Variants in JMY observed in about 807,000 individuals in gnomAD.
JMY encodes junction mediating and regulatory protein, p53 cofactor, also known as junction-mediating and -regulatory protein.
JMY carries 46 observed loss-of-function variants against 103.3 expected under a neutral mutation model. The observed-to-expected ratio is 0.45, with a 90% CI of 0.35 to 0.57. The LOEUF (loss-of-function observed/expected upper bound fraction) is 0.57. Ranked by LOEUF, JMY falls within the 20% of genes least tolerant of loss-of-function variation. The pLI is 0.00. For missense variants in JMY, 1,238 were observed against 1,255.2 expected (o/e 0.99, Z 0.21); for synonymous variants, 526 against 489.3 (o/e 1.07, Z -0.99).
chr5:79,261,957 G>A (rs1745437238), intron 1 of JMY, among the ~76,000 whole-genome samples: 1 of 152,176 alleles, frequency 6.6e-6, no homozygotes. Flanking sequence ...AATCAATAGA[G>A]CAAAATCATT....
At chr5:79,319,825 C>G (rs1212593749) in intron 10 of JMY, among the ~76,000 whole-genome samples, 3 of 152,154 alleles carry the variant, frequency 2.0e-5, no homozygotes, top group Admixed American at 2.0e-4. Flanking sequence ...GGTGATCCAC[C>G]TGCTTCTGCC....
intron 10 of JMY, among the ~76,000 whole-genome samples, chr5:79,319,040 A>T (rs1747352913): frequency 6.6e-6 from 1 of 152,200 alleles, no homozygotes. Context: ...CTTTCATTAC[A>T]GATGGTCCAC....
chr5:79,244,730 C>T (rs191321346), intron 1 of JMY, among the ~76,000 whole-genome samples: 18 of 151,782 alleles, frequency 1.2e-4, no homozygotes, highest in Admixed American at 7.2e-4. Flanking sequence ...GACCTGCTTC[C>T]TCTGAATCTG....
intron 1 of JMY, among the ~76,000 whole-genome samples, chr5:79,244,354 G>A (rs548000104): frequency 6.6e-6 from 1 of 152,252 alleles, no homozygotes; most frequent in South Asian, 2.1e-4. Context: ...CTAAAATGAG[G>A]TTAACTTAGA....
intron 1 of JMY, among the ~76,000 whole-genome samples, chr5:79,272,243 G>T (rs983625921): frequency 6.6e-6 from 1 of 151,410 alleles, no homozygotes; most frequent in African/African-American, 2.4e-5. Flanking sequence ...CAACTTATTT[G>T]TGTCTTTGTT....
chr5:79,275,812 A>G (rs1360050665), intron 1 of JMY, among the ~76,000 whole-genome samples: 2 of 152,232 alleles, frequency 1.3e-5, no homozygotes, highest in Non-Finnish European at 2.9e-5. Flanking sequence ...TTATAAAAGC[A>G]CTTTAATGTA....
chr5:79,300,364 A>T, intron 5 of JMY, 46 bp downstream of exon 5: 1 of 1,451,418 alleles, frequency 6.9e-7, no homozygotes, highest in Non-Finnish European at 9.2e-7. Flanking sequence ...GATTGAATAC[A>T]TGAGAAAATA....
chr5:79,244,006 CTT>C (rs1186953156), intron 1 of JMY, among the ~76,000 whole-genome samples: 32 of 141,218 alleles, frequency 2.3e-4, no homozygotes, highest in Admixed American at 2.9e-4. Flanking sequence ...TCTTTTTTTC[CTT>C]TTTTTTTTTT....
Position 79,290,270 on chromosome 5 carries a change from AGGTAGG to A in JMY, c.1357_1357+5del. ...TTGAAATAACAGCTAAAGCTCAAAA[AGGTAGG>A]TTTCTCAGTAAATTTATCCTTTAGG... On this transcript the variant is annotated splice_donor_variant and splice_donor_5th_base_variant and coding_sequence_variant and intron_variant, in exon 3 of 11. Transcript: ENST00000396137. LOFTEE classifies it high-confidence loss of function. 6.8e-7 allele frequency: 1 copy of A among 1,473,186 alleles called. No individual in the cohort carries two copies. The highest frequency in any genetic ancestry group is 2.5e-5 in the East Asian group (1 of 40,634). The allele number at this position is 1,473,186 out of a possible 1,614,324, so 91.3% of individuals were successfully genotyped here. A position where few individuals can be genotyped will look rare whatever the true frequency, so the allele number is the denominator to read the frequency against.
chr5:79,238,887 TCTC>T (rs1381533303), intron 1 of JMY, among the ~76,000 whole-genome samples: 1 of 152,106 alleles, frequency 6.6e-6, no homozygotes, highest in Non-Finnish European at 1.5e-5. Flanking sequence ...ATGGTCTCGA[TCTC>T]CTGACCTCGT....
At chr5:79,304,183 C>T (rs1746817673) in intron 6 of JMY, among the ~76,000 whole-genome samples, 1 of 152,128 alleles carries the variant, frequency 6.6e-6, no homozygotes, top group African/African-American at 2.4e-5. Flanking sequence ...ACCCCAAGCC[C>T]AGCAACTGAG....
intron 1 of JMY, among the ~76,000 whole-genome samples, chr5:79,239,943 A>T (rs1016449135): frequency 6.6e-6 from 1 of 152,090 alleles, no homozygotes; most frequent in Non-Finnish European, 1.5e-5. Flanking sequence ...TACATTTTTT[A>T]AAAAATGTGT....
intron 1 of JMY, among the ~76,000 whole-genome samples, chr5:79,243,740 T>C (rs1744807282): frequency 6.6e-6 from 1 of 152,178 alleles, no homozygotes; most frequent in Non-Finnish European, 1.5e-5. Flanking sequence ...GTTGGAAACA[T>C]TTACAATATT....
intron 2 of JMY, among the ~76,000 whole-genome samples, chr5:79,282,391 AAATC>A (rs1746144410): frequency 6.6e-6 from 1 of 152,306 alleles, no homozygotes; most frequent in Admixed American, 6.5e-5. Context: ...ACATTTGTCA[AAATC>A]AATCACAATT....
At chr5:79,277,336 A>C (rs1745969706) in intron 1 of JMY, among the ~76,000 whole-genome samples, 1 of 151,864 alleles carries the variant, frequency 6.6e-6, no homozygotes, top group African/African-American at 2.4e-5. Context: ...GATAGCAGAA[A>C]ATTTTTTGGG....
intron 1 of JMY, among the ~76,000 whole-genome samples, chr5:79,273,067 G>A (rs758106834): frequency 6.6e-6 from 1 of 152,060 alleles, no homozygotes; most frequent in Non-Finnish European, 1.5e-5. Flanking sequence ...TTTTTGCTTT[G>A]AACACTCCTG....
At position 79,245,421 on chromosome 5, in the gene JMY, GA is replaced by G. The variant is rs113931974; in HGVS notation, c.1032+7750del. On this transcript the variant is annotated intron_variant, in intron 1 of 10. Coordinates refer to ENST00000396137, the MANE Select transcript of JMY (RefSeq NM_152405.5). ...ACTACACTGTCTTGAGTGCTTCATGGAAAAAAAAAAATTAAATGGATATGGC... is the reference window on the plus strand; with the variant it reads ...ACTACACTGTCTTGAGTGCTTCATGGAAAAAAAAAATTAAATGGATATGGC... Among the ~76,000 whole-genome samples the G allele has an allele frequency of 9.3e-3, 1,372 of 147,166 alleles. 10 individuals carry two copies. The highest frequency in any genetic ancestry group is 0.059 in the Middle Eastern group (17 of 290).
At position 79,326,283 on chromosome 5, in the gene JMY, T is replaced by G. The variant is rs1465840053; in HGVS notation, c.*4681T>G. On this transcript the variant is annotated 3_prime_UTR_variant, in exon 11 of 11. Transcript: ENST00000396137. The stretch of plus-strand genomic sequence containing the variant: ...AAGACCTTGAAAAGTGATGTGTAGA[T>G]GAAAACACAAGGTATGGATGTTGGT... 1 of 152,000 alleles carries G rather than the reference T, an allele frequency of 6.6e-6. No individual in the cohort carries two copies. The allele number at this position is 152,000 out of a possible 1,614,324, so 9.4% of individuals were successfully genotyped here. A position where few individuals can be genotyped will look rare whatever the true frequency, so the allele number is the denominator to read the frequency against.
chr5:79,318,781 G>GAA lies in JMY; in HGVS notation c.*3+2472_*3+2473insAA, dbSNP rs1345713025. 7.1e-5 allele frequency among the ~76,000 whole-genome samples: 6 copies of GAA among 84,156 alleles called. No homozygotes were observed. In the East Asian group the frequency reaches 1.5e-3, roughly 21 times the overall value. The allele number at this position is 84,156 out of a possible 152,430, so 55.2% of individuals were successfully genotyped here. ...ATATATAGAGAGAGAGAGAGAGAGA[G>GAA]AGAGAGAGAGAGAGAGAGAGAGGGA... On this transcript the variant is annotated intron_variant, in intron 10 of 10. Transcript: ENST00000396137.
Sources: gnomAD v4.1 joint callset for allele counts (sites outside exome capture counted in the v4.1 genomes callset) on GRCh38, gnomAD v4.1.1 for gene constraint, MANE v1.5 for transcripts, NCBI Gene and HGNC (gene_info 2026-07-23, HGNC 2026-07-21) for gene names.